SLC9C2: variants seen among roughly 807,000 people sequenced by gnomAD.
The protein encoded by SLC9C2 is sodium/hydrogen exchanger 11.
SLC9C2 carries 75 observed loss-of-function variants against 140.2 expected under a neutral mutation model. The ratio of observed to expected loss-of-function variants is 0.53; its 90% CI spans 0.44 to 0.65. The LOEUF is 0.65. Ranked by LOEUF, SLC9C2 falls within the 30% of genes least tolerant of loss-of-function variation. SLC9C2 has a pLI of 0.00. For missense variants in SLC9C2, 1,074 were observed against 1,331.8 expected (o/e 0.81, Z 3.01); for synonymous variants, 375 against 420.9 (o/e 0.89, Z 1.34).
rs757997159 is a variant in SLC9C2, at chr1:173,516,622, T to C, written c.2907+915A>G. 5.3e-5 allele frequency among the ~76,000 whole-genome samples: 8 copies of C among 152,212 alleles called. No homozygotes were observed. In the East Asian group the frequency reaches 9.6e-4, roughly 18 times the overall value. On this transcript the variant is annotated intron_variant, in intron 23 of 27. Coordinates refer to ENST00000367714, the MANE Select transcript of SLC9C2 (RefSeq NM_178527.4). Reference sequence around the variant, plus strand: ...AGATAATGGCCTCCAGCTCCATCCATAGTTCCTGCAAAAGACATGATCTCA... The same window carrying C: ...AGATAATGGCCTCCAGCTCCATCCACAGTTCCTGCAAAAGACATGATCTCA...
chr1:173,519,749 A>G (rs953598972), intron 22 of SLC9C2, among the ~76,000 whole-genome samples: 7 of 152,208 alleles, frequency 4.6e-5, no homozygotes, highest in African/African-American at 1.4e-4. Flanking sequence ...GCACATGGAT[A>G]CTGGAGACAG....
intron 8 of SLC9C2, among the ~76,000 whole-genome samples, chr1:173,574,962 T>A (rs1457511631): frequency 6.6e-6 from 1 of 151,820 alleles, no homozygotes; most frequent in African/African-American, 2.4e-5. Flanking sequence ...CTACAAAAAA[T>A]ACGAAAAATT....
intron 3 of SLC9C2, among the ~76,000 whole-genome samples, chr1:173,598,354 GGTAA>G (rs1558102841): frequency 6.6e-6 from 1 of 152,128 alleles, no homozygotes; most frequent in Non-Finnish European, 1.5e-5. Flanking sequence ...GTGATTCACA[GGTAA>G]GTATTTTTTA....
At chr1:173,564,796 C>G (rs768029162) in intron 9 of SLC9C2, among the ~76,000 whole-genome samples, 29 of 150,362 alleles carry the variant, frequency 1.9e-4, no homozygotes, top group African/African-American at 2.7e-4. Context: ...TGCCACCACG[C>G]CTGGCTAATT....
chr1:173,534,271 T>C (rs192642091), intron 16 of SLC9C2, among the ~76,000 whole-genome samples: 1 of 152,236 alleles, frequency 6.6e-6, no homozygotes, highest in Non-Finnish European at 1.5e-5. Flanking sequence ...CTCTCTACTT[T>C]TATGATACTT....
At chr1:173,581,097 C>A (rs550215820) in intron 7 of SLC9C2, among the ~76,000 whole-genome samples, 1 of 152,146 alleles carries the variant, frequency 6.6e-6, no homozygotes, top group Non-Finnish European at 1.5e-5. Flanking sequence ...GAAGAAGCAG[C>A]GCTTTTAGGT....
intron 8 of SLC9C2, among the ~76,000 whole-genome samples, chr1:173,574,200 T>C (rs549283032): frequency 1.3e-5 from 2 of 152,344 alleles, no homozygotes; most frequent in South Asian, 4.1e-4. Flanking sequence ...AGACTTTCCC[T>C]TTCAGCTGAC....
intron 13 of SLC9C2, among the ~76,000 whole-genome samples, chr1:173,544,404 TTGG>T (rs951244864): frequency 7.2e-5 from 11 of 152,158 alleles, no homozygotes; most frequent in African/African-American, 2.7e-4. Flanking sequence ...TCTTACACTG[TTGG>T]TGGGAGTGTA....
At chr1:173,509,458 A>G in intron 24 of SLC9C2, 110 bp downstream of exon 24, 3 of 1,108,282 alleles carry the variant, frequency 2.7e-6, no homozygotes, top group Non-Finnish European at 1.2e-6. Flanking sequence ...AAAAAAAAAA[A>G]TCAAACACAA....
At chr1:173,565,882 A>G (rs1470778672) in intron 9 of SLC9C2, among the ~76,000 whole-genome samples, 2 of 152,018 alleles carry the variant, frequency 1.3e-5, no homozygotes, top group Non-Finnish European at 2.9e-5. Flanking sequence ...TGTTTTTATT[A>G]TGAAGGCATG....
intron 9 of SLC9C2, among the ~76,000 whole-genome samples, chr1:173,562,517 AAAAGG>A (rs1664184850): frequency 6.6e-6 from 1 of 152,208 alleles, no homozygotes; most frequent in Non-Finnish European, 1.5e-5. Flanking sequence ...GTGATTTTAT[AAAAGG>A]AAAGTACAAG....
Position 173,573,262 on chromosome 1 carries a change from A to G in SLC9C2, c.966T>C (p.Ile322=). 3 of 1,583,120 alleles carry G rather than the reference A, an allele frequency of 1.9e-6. No individual in the cohort carries two copies. The highest frequency in any genetic ancestry group is 2.6e-6 in the Non-Finnish European group (3 of 1,153,056). The stretch of plus-strand genomic sequence containing the variant: ...CATAGTGGCTGAGTTCTCCACATCC[A>G]ATCACAATGCCAAAGAAAGCATATA... The part of the protein sequence containing the change: ...HLIYAFFGIV[I]GCGELSHYEF... Residue 322 remains isoleucine, a synonymous_variant, in exon 9 of 28, where the codon ATT becomes ATC. Transcript: ENST00000367714.
chr1:173,518,533 A>G (rs963101471), intron 22 of SLC9C2, among the ~76,000 whole-genome samples: 3 of 152,160 alleles, frequency 2.0e-5, no homozygotes, highest in African/African-American at 7.2e-5. Flanking sequence ...TGAACATAGG[A>G]TGGTTGAGTT....
intron 4 of SLC9C2, among the ~76,000 whole-genome samples, chr1:173,590,557 A>G (rs1454900186): frequency 6.6e-6 from 1 of 152,230 alleles, no homozygotes; most frequent in East Asian, 1.9e-4. Context: ...TAAATTAGGC[A>G]CAGTAAAAGA....
intron 13 of SLC9C2, among the ~76,000 whole-genome samples, chr1:173,541,171 CAAATGGAAAGCA>C (rs1558046917): frequency 6.9e-6 from 1 of 145,598 alleles, no homozygotes; most frequent in African/African-American, 2.7e-5. Flanking sequence ...ATCTACCAAG[CAAATGGAAAGCA>C]AAAAAAAAAA....
intron 7 of SLC9C2, among the ~76,000 whole-genome samples, chr1:173,578,469 C>A (rs940422417): frequency 2.6e-5 from 4 of 152,198 alleles, no homozygotes; most frequent in African/African-American, 9.6e-5. Context: ...CAGGAACTTA[C>A]TAAGTATGAG....
Position 173,535,848 on chromosome 1 carries a change from A to G in SLC9C2, c.1757T>C (p.Ile586Thr). Residue 586 changes from isoleucine to threonine, a missense_variant, in exon 15 of 28, where the codon ATA (isoleucine) becomes ACA (threonine). Coordinates refer to ENST00000367714, the MANE Select transcript of SLC9C2 (RefSeq NM_178527.4). ...LTFLEYCIEK[I>T]HFIPPESNTF... ...TACTTACTCAGGTGGAATAAAATGT[A>G]TCTTTTCTATACAATATTCCAAGAA... 1 of 1,512,734 alleles carries G rather than the reference A, an allele frequency of 6.6e-7. No homozygotes were observed. 93.7% of individuals were successfully genotyped at this position (1,512,734 alleles called of 1,614,324 possible).
chr1:173,526,600 C>A, intron 19 of SLC9C2, 63 bp downstream of exon 19: 2 of 1,358,294 alleles, frequency 1.5e-6, no homozygotes, highest in South Asian at 1.3e-5. Flanking sequence ...AATTGTTCTT[C>A]TTTTATTAAA....
chr1:173,581,696 G>T (rs1403528132), intron 7 of SLC9C2, 151 bp downstream of exon 7: 1 of 514,692 alleles, frequency 1.9e-6, no homozygotes, highest in Non-Finnish European at 3.3e-6. Context: ...GAAAGACCAG[G>T]AAAGAGCTAG....
Sources: allele counts gnomAD v4.1 joint callset (sites outside exome capture counted in the v4.1 genomes callset), GRCh38; gene constraint gnomAD v4.1.1; transcripts MANE v1.5; gene names NCBI Gene and HGNC (gene_info 2026-07-23, HGNC 2026-07-21).